Variants in CNBD1 observed in about 807,000 individuals in gnomAD.
The protein encoded by CNBD1 is cyclic nucleotide-binding domain-containing protein 1.
A neutral mutation model predicts 54.4 loss-of-function variants in CNBD1; 71 were observed. That is an observed-to-expected ratio of 1.30 (90% CI 1.08 to 1.59). The LOEUF is 1.59. Among genes scored for constraint, CNBD1 ranks in the 40% most tolerant of loss-of-function variants. CNBD1 has a pLI of 0.00. For synonymous variants in CNBD1, 182 were observed against 170.7 expected (o/e 1.07, Z -0.51); for missense variants, 659 against 518.0 (o/e 1.27, Z -2.64).
intron 2 of CNBD1, among the ~76,000 whole-genome samples, chr8:87,412,095 T>A (rs967637082): frequency 6.6e-6 from 1 of 152,016 alleles, no homozygotes. Flanking sequence ...AATGCTAAAG[T>A]GTTTAGAAAA....
chr8:86,970,225 T>A (rs898125799), intron 4 of CNBD1, among the ~76,000 whole-genome samples: 6 of 152,136 alleles, frequency 3.9e-5, no homozygotes, highest in Non-Finnish European at 7.4e-5. Context: ...CTTAACCATT[T>A]ACTTACTAAA....
At chr8:87,310,625 A>T (rs1809245180) in intron 8 of CNBD1, among the ~76,000 whole-genome samples, 1 of 152,150 alleles carries the variant, frequency 6.6e-6, no homozygotes, top group Admixed American at 6.6e-5. Context: ...ATAATTTGAA[A>T]TAAGCGATTC....
intron 8 of CNBD1, among the ~76,000 whole-genome samples, chr8:87,289,302 T>A (rs750343078): frequency 3.9e-5 from 6 of 152,144 alleles, no homozygotes; most frequent in Non-Finnish European, 7.4e-5. Context: ...ACTTCTTACA[T>A]CTTCCTACTT....
intron 2 of CNBD1, among the ~76,000 whole-genome samples, chr8:87,424,358 T>C (rs1227732967): frequency 1.3e-5 from 2 of 152,166 alleles, no homozygotes; most frequent in South Asian, 4.1e-4. Context: ...GTTCTTTTAA[T>C]TGTGATGTTA....
chr8:87,251,992 G>T (rs1032205085), intron 6 of CNBD1, among the ~76,000 whole-genome samples: 10 of 151,990 alleles, frequency 6.6e-5, no homozygotes, highest in Non-Finnish European at 1.3e-4. Flanking sequence ...TATCTGATGG[G>T]CAGACTCATC....
chr8:87,322,505 G>A lies in CNBD1; in HGVS notation c.1043-29180G>A. ...TTTAATGATTGCCATTCTAACTGGTGTGAGATGATATCTCATAGTGGTTTT... is the reference window on the plus strand; with the variant it reads ...TTTAATGATTGCCATTCTAACTGGTATGAGATGATATCTCATAGTGGTTTT... On this transcript the variant is annotated intron_variant, in intron 8 of 10. Transcript: ENST00000518476. 3.3e-5 allele frequency among the ~76,000 whole-genome samples: 4 copies of A among 122,034 alleles called. 2 individuals carry two copies. Among genetic ancestry groups the A allele is most frequent in the African/African-American group, 6.1e-5 (2 of 32,688 alleles). The allele number at this position is 122,034 out of a possible 152,430, so 80.1% of individuals were successfully genotyped here. A position where few individuals can be genotyped will look rare whatever the true frequency, so the allele number is the denominator to read the frequency against.
intron 8 of CNBD1, among the ~76,000 whole-genome samples, chr8:87,350,352 T>A (rs560906517): frequency 6.6e-6 from 1 of 152,142 alleles, no homozygotes; most frequent in African/African-American, 2.4e-5. Context: ...ATTATAAATA[T>A]TGAAGTAACT....
At chr8:86,881,181 A>G (rs751837515) in intron 1 of CNBD1, among the ~76,000 whole-genome samples, 1 of 152,220 alleles carries the variant, frequency 6.6e-6, no homozygotes, top group African/African-American at 2.4e-5. Context: ...GGCCAGGGCA[A>G]TCAGGCAAGA....
intron 10 of CNBD1, among the ~76,000 whole-genome samples, chr8:87,359,892 A>G (rs943173859): frequency 6.6e-6 from 1 of 152,076 alleles, no homozygotes; most frequent in African/African-American, 2.4e-5. Flanking sequence ...AAATAAATAA[A>G]ATAATTATGT....
intron 6 of CNBD1, among the ~76,000 whole-genome samples, chr8:87,238,978 T>G (rs1395136860): frequency 6.6e-6 from 1 of 152,078 alleles, no homozygotes; most frequent in Non-Finnish European, 1.5e-5. Context: ...TCCAGTACAT[T>G]CCCTTCTACT....
rs551387621 is a variant in CNBD1, at chr8:87,265,073, C to A, written c.772-19605C>A. ...TGGTATCTTAGTCATGAAGTCCTTG[C>A]CCATGCCTATGTCCTGAATGGTATT... On this transcript the variant is annotated intron_variant, in intron 6 of 10. Coordinates refer to ENST00000518476, the MANE Select transcript of CNBD1 (RefSeq NM_173538.3). 2.0e-5 allele frequency among the ~76,000 whole-genome samples: 3 copies of A among 152,214 alleles called. No individual in the cohort carries two copies. In the East Asian group the frequency reaches 5.8e-4, roughly 29 times the overall value.
intron 2 of CNBD1, chr8:87,428,502 A>T (rs987040404): frequency 2.0e-5 from 7 of 342,902 alleles, no homozygotes; most frequent in Non-Finnish European, 2.3e-5. Flanking sequence ...TATGAAGATT[A>T]TTTTTTTATG....
At chr8:87,110,885 T>A (rs1811648132) in intron 4 of CNBD1, among the ~76,000 whole-genome samples, 1 of 152,234 alleles carries the variant, frequency 6.6e-6, no homozygotes, top group Admixed American at 6.5e-5. Flanking sequence ...AATAGCTTCA[T>A]GTAACATACC....
At chr8:87,106,113 T>C (rs1331179415) in intron 4 of CNBD1, among the ~76,000 whole-genome samples, 2 of 152,178 alleles carry the variant, frequency 1.3e-5, no homozygotes, top group African/African-American at 4.8e-5. Flanking sequence ...AGATGAATAT[T>C]AGATATTTTC....
At chr8:87,194,141 C>T (rs1012846219) in intron 4 of CNBD1, among the ~76,000 whole-genome samples, 5 of 152,244 alleles carry the variant, frequency 3.3e-5, no homozygotes, top group East Asian at 1.9e-4. Context: ...ATGATTAATG[C>T]GCTTGAATCA....
At chr8:87,368,613 G>A (rs552802228) in intron 10 of CNBD1, among the ~76,000 whole-genome samples, 1 of 151,900 alleles carries the variant, frequency 6.6e-6, no homozygotes, top group Admixed American at 6.6e-5. Flanking sequence ...CTCCACCCTG[G>A]GTGACAGAAC....
intron 4 of CNBD1, among the ~76,000 whole-genome samples, chr8:86,998,089 C>T (rs1164616401): frequency 6.6e-6 from 1 of 152,056 alleles, no homozygotes; most frequent in Admixed American, 6.6e-5. Context: ...TACTTGCAAC[C>T]ATTCTGGTCT....
chr8:86,912,945 G>C (rs1443579878), intron 3 of CNBD1, among the ~76,000 whole-genome samples: 1 of 151,660 alleles, frequency 6.6e-6, no homozygotes, highest in Admixed American at 6.6e-5. Context: ...AGCTTAAAAA[G>C]TAAAAATAAA....
intron 4 of CNBD1, among the ~76,000 whole-genome samples, chr8:87,061,771 G>C (rs1463275317): frequency 1.3e-5 from 2 of 152,162 alleles, no homozygotes; most frequent in African/African-American, 4.8e-5. Context: ...AATGTGTAAA[G>C]TGTAGAGGCA....
Sources: allele counts gnomAD v4.1 joint callset (sites outside exome capture counted in the v4.1 genomes callset), GRCh38; gene constraint gnomAD v4.1.1; transcripts MANE v1.5; gene names NCBI Gene and HGNC (gene_info 2026-07-23, HGNC 2026-07-21).